Variants in CROT observed in about 807,000 individuals in gnomAD.
CROT encodes carnitine O-octanoyltransferase.
CROT carries 84 observed loss-of-function variants against 89.2 expected under a neutral mutation model. The observed-to-expected ratio is 0.94, with a 90% CI of 0.79 to 1.13. The LOEUF is 1.13. Among genes scored for constraint, CROT ranks in the 50% most tolerant of loss-of-function variants. The pLI is 0.00. For missense variants in CROT, 711 were observed against 727.8 expected (o/e 0.98, Z 0.27); for synonymous variants, 212 against 239.5 (o/e 0.89, Z 1.06).
At chr7:87,368,361 G>T (rs974377028) in intron 6 of CROT, among the ~76,000 whole-genome samples, 1 of 152,092 alleles carries the variant, frequency 6.6e-6, no homozygotes, top group Non-Finnish European at 1.5e-5. Context: ...TTTGAAAGGG[G>T]TGTGGTCAGG....
At chr7:87,385,821 A>G (rs557605056) in intron 13 of CROT, among the ~76,000 whole-genome samples, 53 of 152,288 alleles carry the variant, frequency 3.5e-4, no homozygotes, top group South Asian at 2.1e-4. Flanking sequence ...GATTTGTCAT[A>G]TGTGGCTTTT....
chr7:87,346,390 G>C lies in CROT; in HGVS notation c.-62G>C, dbSNP rs1398245754. 6.6e-6 allele frequency: 1 copy of C among 152,144 alleles called. No individual in the cohort carries two copies. The highest frequency in any genetic ancestry group is 1.9e-4 in the East Asian group (1 of 5,196). 9.4% of individuals were successfully genotyped at this position (152,144 alleles called of 1,614,324 possible). A position where few individuals can be genotyped will look rare whatever the true frequency, so the allele number is the denominator to read the frequency against. On this transcript the variant is annotated 5_prime_UTR_variant, in exon 2 of 18. Transcript: ENST00000331536. ...GATCTCAAAACAATTGTTGCAGCAG[G>C]CTCCTGGCAGTCTCAAGCAGTTCAT...
intron 6 of CROT, among the ~76,000 whole-genome samples, chr7:87,365,383 G>A (rs946774535): frequency 6.6e-6 from 1 of 152,012 alleles, no homozygotes; most frequent in Non-Finnish European, 1.5e-5. Flanking sequence ...CCAGCTACGC[G>A]GGAAGCTGAG....
chr7:87,356,797 C>A (rs1806089709), intron 3 of CROT, among the ~76,000 whole-genome samples: 1 of 152,090 alleles, frequency 6.6e-6, no homozygotes, highest in South Asian at 2.1e-4. Context: ...CCAAAGTGGG[C>A]AGATCACCTG....
chr7:87,388,219 G>A (rs1186739925), intron 13 of CROT, among the ~76,000 whole-genome samples: 1 of 151,702 alleles, frequency 6.6e-6, no homozygotes, highest in Non-Finnish European at 1.5e-5. Flanking sequence ...TTATAGATTC[G>A]ATGCTATCTC....
chr7:87,359,167 C>A, intron 3 of CROT, 39 bp from the exon 4 acceptor site: 1 of 1,369,142 alleles, frequency 7.3e-7, no homozygotes, highest in Non-Finnish European at 1.0e-6. Context: ...GTTGGTGGTA[C>A]TTGGTCTAAA....
At chr7:87,372,696 A>G (rs915383633) in intron 7 of CROT, among the ~76,000 whole-genome samples, 10 of 152,192 alleles carry the variant, frequency 6.6e-5, no homozygotes, top group African/African-American at 1.9e-4. Flanking sequence ...TAGGAATGGC[A>G]TCTTACAACA....
At chr7:87,386,539 T>A (rs768892975) in intron 13 of CROT, among the ~76,000 whole-genome samples, 14 of 152,270 alleles carry the variant, frequency 9.2e-5, no homozygotes, top group South Asian at 2.1e-4. Flanking sequence ...TTTATTTGAG[T>A]CTTTTCCTTT....
chr7:87,384,329 T>C (rs951243531), intron 13 of CROT, among the ~76,000 whole-genome samples: 34 of 152,062 alleles, frequency 2.2e-4, no homozygotes, highest in African/African-American at 8.0e-4. Context: ...GTCAGGAGTT[T>C]GAGACCAGCC....
intron 3 of CROT, among the ~76,000 whole-genome samples, chr7:87,358,243 G>A (rs1404786315): frequency 7.9e-5 from 12 of 151,880 alleles, no homozygotes; most frequent in African/African-American, 2.2e-4. Flanking sequence ...TTTGGGAGGC[G>A]GAGGCAGGTA....
intron 6 of CROT, among the ~76,000 whole-genome samples, chr7:87,363,674 C>T (rs1463294930): frequency 1.3e-5 from 2 of 152,142 alleles, no homozygotes; most frequent in Non-Finnish European, 2.9e-5. Flanking sequence ...TGAACAGAAA[C>T]TATTAGTGAG....
chr7:87,386,992 G>C (rs1807202353), intron 13 of CROT, among the ~76,000 whole-genome samples: 1 of 152,078 alleles, frequency 6.6e-6, no homozygotes. Context: ...TTTCAGTGTA[G>C]TATTGTGAGT....
chr7:87,353,832 C>T (rs1246530355), intron 3 of CROT, among the ~76,000 whole-genome samples: 2 of 152,164 alleles, frequency 1.3e-5, no homozygotes, highest in Non-Finnish European at 2.9e-5. Flanking sequence ...GGGCTCTGCT[C>T]CCATGATCCA....
intron 6 of CROT, among the ~76,000 whole-genome samples, chr7:87,367,554 C>T (rs1189655848): frequency 1.3e-5 from 2 of 152,114 alleles, no homozygotes; most frequent in African/African-American, 4.8e-5. Flanking sequence ...CAAATATTTG[C>T]CCATTCTCTA....
At position 87,348,022 on chromosome 7, in the gene CROT, C is replaced by G. The variant is rs1805745968; in HGVS notation, c.-21-1026C>G. 2.0e-5 allele frequency among the ~76,000 whole-genome samples: 3 copies of G among 152,190 alleles called. No homozygotes were observed. The South Asian group carries it at 6.2e-4, about 32-fold the overall frequency. ...AAAACAGGTATTAGCTGAAAATAGT[C>G]TCTTCTGTGTCCATGTTTTTGATAG... On this transcript the variant is annotated intron_variant, in intron 2 of 17. Coordinates refer to ENST00000331536, the MANE Select transcript of CROT (RefSeq NM_021151.4).
rs1398069632 is a variant in CROT, at chr7:87,398,618, C to A, written c.1813C>A (p.Gln605Lys). The change falls in exon 18 of 18, where the codon CAG (glutamine) becomes AAG (lysine). Residue 605 changes from glutamine (Q) to lysine (K), a missense_variant. Transcript: ENST00000331536. ...LTFCAFHDMI[Q>K]LMNSTHL Reference sequence around the variant, plus strand: ...TTTTTGTGCTTTTCATGATATGATACAGCTGATGAACTCTACTCATCTTTA... The same window carrying A: ...TTTTTGTGCTTTTCATGATATGATAAAGCTGATGAACTCTACTCATCTTTA... The A allele has an allele frequency of 3.1e-6, 5 of 1,613,390 alleles. No homozygotes were observed. The African/African-American group carries it at 6.7e-5, about 22-fold the overall frequency.
At chr7:87,387,225 C>G (rs1807210802) in intron 13 of CROT, among the ~76,000 whole-genome samples, 1 of 151,988 alleles carries the variant, frequency 6.6e-6, no homozygotes, top group South Asian at 2.1e-4. Context: ...TGCTTCTACT[C>G]TGCCATTATG....
At chr7:87,370,961 TG>T (rs1040981245) in intron 7 of CROT, among the ~76,000 whole-genome samples, 1 of 152,228 alleles carries the variant, frequency 6.6e-6, no homozygotes, top group African/African-American at 2.4e-5. Context: ...CCTTACATTC[TG>T]GGTAAGAGTT....
chr7:87,354,191 A>G (rs1805979706), intron 3 of CROT, among the ~76,000 whole-genome samples: 1 of 152,254 alleles, frequency 6.6e-6, no homozygotes, highest in Non-Finnish European at 1.5e-5. Flanking sequence ...ACAGAAGGTT[A>G]CATGATGTAA....
Sources: gnomAD v4.1 joint callset for allele counts (sites outside exome capture counted in the v4.1 genomes callset) on GRCh38, gnomAD v4.1.1 for gene constraint, MANE v1.5 for transcripts, NCBI Gene and HGNC (gene_info 2026-07-23, HGNC 2026-07-21) for gene names.